Variants in PTN observed in about 807,000 individuals in gnomAD.
PTN encodes the protein pleiotrophin, also known as heparin affin regulatory protein.
PTN carries 18 observed loss-of-function variants against 24.1 expected under a neutral mutation model. The observed-to-expected ratio is 0.75, with a 90% CI of 0.52 to 1.11. The LOEUF (loss-of-function observed/expected upper bound fraction) is 1.11, where lower values mean the gene tolerates loss of function less well. Ranked by LOEUF, PTN falls within the 50% of genes least tolerant of loss-of-function variation. The pLI is 0.00. For missense variants in PTN, 163 were observed against 198.8 expected (o/e 0.82, Z 1.08); for synonymous variants, 78 against 68.6 (o/e 1.14, Z -0.67).
intron 1 of PTN, among the ~76,000 whole-genome samples, chr7:137,311,195 G>A (rs916852337): frequency 2.1e-5 from 3 of 142,638 alleles, no homozygotes; most frequent in South Asian, 2.2e-4. Context: ...TCATGCCACC[G>A]CACACCAGCC....
chr7:137,236,599 C>A (rs1417393769), intron 4 of PTN, among the ~76,000 whole-genome samples: 2 of 152,108 alleles, frequency 1.3e-5, no homozygotes, highest in Non-Finnish European at 2.9e-5. Flanking sequence ...AGATTTTATA[C>A]TTCTTGACAG....
At chr7:137,324,433 A>AAAAAAAAAAAAAAAAAAAAT in intron 1 of PTN, among the ~76,000 whole-genome samples, 3 of 88,802 alleles carry the variant, frequency 3.4e-5, no homozygotes, top group African/African-American at 2.1e-4. Flanking sequence ...AAAAAAAAAA[A>AAAAAAAAAAAAAAAAAAAAT]ATATATATAT....
intron 1 of PTN, chr7:137,325,362 A>C (rs1368910809): frequency 6.6e-6 from 1 of 152,232 alleles, no homozygotes; most frequent in Non-Finnish European, 1.5e-5. Context: ...TGATCCATTT[A>C]CCACTGATTC....
At chr7:137,296,692 G>A (rs978344805) in intron 1 of PTN, among the ~76,000 whole-genome samples, 1 of 152,104 alleles carries the variant, frequency 6.6e-6, no homozygotes, top group Non-Finnish European at 1.5e-5. Flanking sequence ...ATAAGTTGAA[G>A]CTTGTTGAAA....
At chr7:137,250,769 A>G (rs1462679131) in intron 4 of PTN, among the ~76,000 whole-genome samples, 1 of 152,252 alleles carries the variant, frequency 6.6e-6, no homozygotes, top group Admixed American at 6.5e-5. Context: ...ACAAATGCAG[A>G]ACCCATTAAG....
chr7:137,253,495 C>T lies in PTN; in HGVS notation c.258G>A (p.Lys86=). ...CKQTMKTQRC[K]IPCNWKKQFG... ...ATTGCTTCTTCCAGTTGCAGGGGAT[C>T]TTACATCTCTGGGTCTTCATGGTTT... The change falls in exon 3 of 5, where the codon AAG becomes AAA. Residue 86 remains lysine, a synonymous_variant. Transcript: ENST00000348225. 1 of 1,610,894 alleles carries T rather than the reference C, an allele frequency of 6.2e-7. No homozygotes were observed. Among genetic ancestry groups the T allele is most frequent in the Non-Finnish European group, 8.5e-7 (1 of 1,178,426 alleles).
intron 1 of PTN, among the ~76,000 whole-genome samples, chr7:137,285,493 C>T (rs1478597864): frequency 1.3e-5 from 2 of 152,092 alleles, no homozygotes; most frequent in African/African-American, 4.8e-5. Context: ...CGGTAAAACC[C>T]CGTCTCTACT....
intron 4 of PTN, among the ~76,000 whole-genome samples, chr7:137,235,070 T>C (rs1808496173): frequency 6.6e-6 from 1 of 152,080 alleles, no homozygotes; most frequent in South Asian, 2.1e-4. Flanking sequence ...GTTGGAGGCA[T>C]ACCATCAAGA....
At position 137,233,436 on chromosome 7, in the gene PTN, C is replaced by T. The variant is rs939566834; in HGVS notation, c.452-5361G>A. Reference sequence around the variant, plus strand: ...CTCATCTTACCACTAATGTTCAAAACACATTAATTTATTGATTCAGCAAAT... The same window carrying T: ...CTCATCTTACCACTAATGTTCAAAATACATTAATTTATTGATTCAGCAAAT... On this transcript the variant is annotated intron_variant, in intron 4 of 4. Transcript: ENST00000348225. Among the ~76,000 whole-genome samples, 13 of 152,032 alleles carry T rather than the reference C, an allele frequency of 8.6e-5. No homozygotes were observed. In the South Asian group the frequency reaches 1.0e-3, roughly 12 times the overall value.
At chr7:137,269,258 C>A (rs145582853) in intron 1 of PTN, among the ~76,000 whole-genome samples, 8 of 152,214 alleles carry the variant, frequency 5.3e-5, no homozygotes, top group African/African-American at 1.9e-4. Flanking sequence ...CTTTCTCTTT[C>A]TCTTTTGTTT....
intron 1 of PTN, among the ~76,000 whole-genome samples, chr7:137,314,601 T>TG (rs2128880301): frequency 7.4e-6 from 1 of 135,842 alleles, no homozygotes; most frequent in South Asian, 2.6e-4. Flanking sequence ...ATGATGCTTT[T>TG]TTTTTTTTTT....
chr7:137,278,500 G>A (rs534730444), intron 1 of PTN, among the ~76,000 whole-genome samples: 3 of 152,064 alleles, frequency 2.0e-5, no homozygotes, highest in African/African-American at 7.2e-5. Flanking sequence ...GAGAAAGATC[G>A]TGTGGCTCTA....
intron 1 of PTN, among the ~76,000 whole-genome samples, chr7:137,261,012 TTTTA>T (rs1372000679): frequency 1.3e-5 from 2 of 152,158 alleles, no homozygotes; most frequent in African/African-American, 2.4e-5. Context: ...GATTCTTTCC[TTTTA>T]TTTATCTAGT....
intron 1 of PTN, among the ~76,000 whole-genome samples, chr7:137,305,630 C>T (rs1809875353): frequency 6.6e-6 from 1 of 152,018 alleles, no homozygotes; most frequent in South Asian, 2.1e-4. Flanking sequence ...TCTACTGACA[C>T]TCTCTGACTA....
chr7:137,333,567 G>T (rs1229228180), intron 1 of PTN, among the ~76,000 whole-genome samples: 1 of 152,176 alleles, frequency 6.6e-6, no homozygotes, highest in Admixed American at 6.5e-5. Flanking sequence ...TGGAAGGAAA[G>T]AGTCTAATGC....
At chr7:137,328,709 T>C (rs1810302898) in intron 1 of PTN, among the ~76,000 whole-genome samples, 1 of 152,140 alleles carries the variant, frequency 6.6e-6, no homozygotes, top group African/African-American at 2.4e-5. Flanking sequence ...CAGCGGTCCC[T>C]TTCCTCAGCG....
intron 1 of PTN, among the ~76,000 whole-genome samples, chr7:137,313,194 C>T (rs1035070890): frequency 4.6e-5 from 7 of 152,060 alleles, no homozygotes; most frequent in Admixed American, 1.3e-4. Context: ...AAATATATAT[C>T]GTGTCTCGGC....
In PTN at chr7:137,338,126, G is replaced by T. The variant is rs182653774; in HGVS notation, c.-2+5313C>A. ...ATAGCTCCACCTAGAGGGGGCATTT[G>T]CCTTGGAAAACCTTTGGTGCCTTCA... On this transcript the variant is annotated intron_variant, in intron 1 of 4. Transcript: ENST00000348225. Among the ~76,000 whole-genome samples the T allele has an allele frequency of 2.6e-5, 4 of 152,210 alleles. No individual in the cohort carries two copies. The East Asian group carries it at 7.8e-4, about 29-fold the overall frequency.
intron 1 of PTN, among the ~76,000 whole-genome samples, chr7:137,299,380 G>A (rs1049683049): frequency 6.6e-6 from 1 of 151,818 alleles, no homozygotes; most frequent in South Asian, 2.1e-4. Flanking sequence ...GGGGATGACC[G>A]TTAGTCCCCA....
Sources: allele counts gnomAD v4.1 joint callset (sites outside exome capture counted in the v4.1 genomes callset), GRCh38; gene constraint gnomAD v4.1.1; transcripts MANE v1.5; gene names NCBI Gene and HGNC (gene_info 2026-07-23, HGNC 2026-07-21).